The following CAMTA1 variants were observed in gnomAD, a reference collection of about 807,000 sequenced individuals.
CAMTA1 encodes calmodulin-binding transcription activator 1.
A neutral mutation model predicts 170.9 loss-of-function variants in CAMTA1; 27 were observed. The observed-to-expected ratio is 0.16, with a 90% confidence interval of 0.12 to 0.22. CAMTA1 has a LOEUF of 0.22. Among genes scored for constraint, CAMTA1 ranks in the 10% least tolerant of loss-of-function variants. CAMTA1 has a pLI of 1.00. For missense variants in CAMTA1, 1,619 were observed against 2,217.2 expected, an observed-to-expected ratio of 0.73 and a Z score of 5.42; for synonymous variants, 833 against 891.5, an observed-to-expected ratio of 0.93 and a Z score of 1.17.
chr1:7,640,350 T>C (rs779151168), intron 6 of CAMTA1, 50 bp from the exon 7 acceptor site: 100 of 1,606,590 alleles, frequency 6.2e-5, no homozygotes, highest in Non-Finnish European at 8.1e-5. Flanking sequence ...GCCCTGACCC[T>C]GGTGGGCTCC....
At position 7,056,266 on chromosome 1, in the gene CAMTA1, A is replaced by C. The variant is rs77769596; in HGVS notation, c.235-35038A>C. Among the ~76,000 whole-genome samples, 82 of 152,308 alleles carry C rather than the reference A, an allele frequency of 5.4e-4. 1 individual carries two copies. The East Asian group carries it at 0.015, about 28-fold the overall frequency. On this transcript the variant is annotated intron_variant, in intron 3 of 22. Coordinates refer to ENST00000303635, the MANE Select transcript of CAMTA1 (RefSeq NM_015215.4). Reference sequence around the variant, plus strand: ...GCATTTCACACACATGCACAGTTTTATGGCCTCTTTTGATGTTTCCTTGGT... The same window carrying C: ...GCATTTCACACACATGCACAGTTTTCTGGCCTCTTTTGATGTTTCCTTGGT...
chr1:7,660,194 A>G (rs893141999), intron 7 of CAMTA1, among the ~76,000 whole-genome samples: 4 of 152,246 alleles, frequency 2.6e-5, no homozygotes, highest in East Asian at 3.9e-4. Context: ...TCAGCCCCCC[A>G]GGTAGCTGGG....
intron 4 of CAMTA1, among the ~76,000 whole-genome samples, chr1:7,237,903 C>T (rs1411491723): frequency 6.6e-6 from 1 of 152,228 alleles, no homozygotes; most frequent in East Asian, 1.9e-4. Context: ...ATATGACAGG[C>T]AGCACACCGG....
intron 3 of CAMTA1, among the ~76,000 whole-genome samples, chr1:6,947,462 A>G (rs1345456328): frequency 4.7e-5 from 7 of 147,820 alleles, no homozygotes; most frequent in African/African-American, 7.5e-5. Context: ...TGCAACCTCC[A>G]CCTTCTCGGT....
intron 5 of CAMTA1, among the ~76,000 whole-genome samples, chr1:7,324,475 T>G (rs1388480415): frequency 1.3e-5 from 2 of 152,222 alleles, no homozygotes; most frequent in African/African-American, 4.8e-5. Flanking sequence ...TTGTTTGAAT[T>G]TATTTTTTCC....
chr1:7,183,405 A>G (rs1412323242), intron 4 of CAMTA1, among the ~76,000 whole-genome samples: 1 of 152,142 alleles, frequency 6.6e-6, no homozygotes, highest in Non-Finnish European at 1.5e-5. Flanking sequence ...TATCAGCAAT[A>G]TCTATCATAA....
Position 7,644,871 on chromosome 1 carries a change from G to T in CAMTA1, c.664+4318G>T, listed in dbSNP as rs541190040. ...TCAGGGCTGAGTAGAGCTGTGCTTA[G>T]CCTGGGGTGCCCCTGTGGGCTTCAG... On this transcript the variant is annotated intron_variant, in intron 7 of 22. Coordinates refer to ENST00000303635, the MANE Select transcript of CAMTA1 (RefSeq NM_015215.4). Among the ~76,000 whole-genome samples the T allele has an allele frequency of 9.7e-4, 147 of 152,194 alleles. 1 individual carries two copies. Among genetic ancestry groups the T allele is most frequent in the African/African-American group, 3.5e-3 (145 of 41,536 alleles).
chr1:7,692,849 C>A (rs768145997), intron 11 of CAMTA1, among the ~76,000 whole-genome samples: 14 of 152,170 alleles, frequency 9.2e-5, no homozygotes, highest in Non-Finnish European at 2.1e-4. Flanking sequence ...AACCAGGCAT[C>A]CCCCCACCCC....
At chr1:7,411,710 C>A (rs768343571) in intron 5 of CAMTA1, among the ~76,000 whole-genome samples, 1 of 151,816 alleles carries the variant, frequency 6.6e-6, no homozygotes, top group African/African-American at 2.4e-5. Context: ...GCTGAATGAA[C>A]GAATGAATGA....
At chr1:7,515,059 T>G (rs1043593339) in intron 6 of CAMTA1, among the ~76,000 whole-genome samples, 10 of 150,792 alleles carry the variant, frequency 6.6e-5, no homozygotes, top group Non-Finnish European at 1.5e-5. Flanking sequence ...TCCCTCCACC[T>G]GGGATCATCA....
rs1450350307 is a variant in CAMTA1, at chr1:7,394,831, G to GTGTGTGTGTGTGTC, written c.439-72988_439-72987insGTCTGTGTGTGTGT. Among the ~76,000 whole-genome samples, 44 of 146,254 alleles carry GTGTGTGTGTGTGTC rather than the reference G, an allele frequency of 3.0e-4. 1 individual carries two copies. The South Asian group carries it at 8.7e-3, about 29-fold the overall frequency. ...TGTAGTTGTGTGTGTGTGTGTGTGT[G>GTGTGTGTGTGTGTC]TGTGTGTGTGTCTGTGTGTGTGTCT... On this transcript the variant is annotated intron_variant, in intron 5 of 22. Coordinates refer to ENST00000303635, the MANE Select transcript of CAMTA1 (RefSeq NM_015215.4).
chr1:6,833,707 G>C (rs1049556439), intron 3 of CAMTA1, among the ~76,000 whole-genome samples: 5 of 152,112 alleles, frequency 3.3e-5, no homozygotes, highest in Non-Finnish European at 7.4e-5. Context: ...ATTAGCCCAA[G>C]AAAAATTTAA....
Position 7,064,144 on chromosome 1 carries a change from TCTCTTCTTCCCTCCTCCTC to T in CAMTA1, c.235-27153_235-27135del, listed in dbSNP as rs1309847285. On this transcript the variant is annotated intron_variant, in intron 3 of 22. Coordinates refer to ENST00000303635, the MANE Select transcript of CAMTA1 (RefSeq NM_015215.4). This position sits in a 1 kb window ranked among gnomAD's most constrained non-coding sequence, Gnocchi z 5.4. The stretch of plus-strand genomic sequence containing the variant: ...TCCTTCTTCTTCTCCTCCTCCTCCT[TCTCTTCTTCCCTCCTCCTC>T]CTCTTCCTTCTTCTTCTCCTCCTCC... Among the ~76,000 whole-genome samples, 1 of 148,944 alleles carries T rather than the reference TCTCTTCTTCCCTCCTCCTC, an allele frequency of 6.7e-6. No homozygotes were observed. Among genetic ancestry groups the T allele is most frequent in the South Asian group, 2.1e-4 (1 of 4,656 alleles).
intron 10 of CAMTA1, among the ~76,000 whole-genome samples, chr1:7,671,285 G>A (rs769474528): frequency 3.9e-5 from 6 of 152,210 alleles, no homozygotes; most frequent in Non-Finnish European, 8.8e-5. Flanking sequence ...ATGAGAGCAC[G>A]ATTTAGGGCA....
chr1:7,684,499 G>A lies in CAMTA1; in HGVS notation c.2914+6766G>A, dbSNP rs76626729. 6.4e-3 allele frequency among the ~76,000 whole-genome samples: 967 copies of A among 152,252 alleles called. 5 individuals are homozygous for A. Among genetic ancestry groups the A allele is most frequent in the Non-Finnish European group, 7.8e-3 (528 of 68,024 alleles). ...TGCCCCCACCAAAGGCGCTAGGGAG[G>A]GACCCTCTCTGGCCACTTGCAGCTC... is the stretch of plus-strand genomic sequence containing the variant. On this transcript the variant is annotated intron_variant, in intron 11 of 22. Transcript: ENST00000303635.
intron 4 of CAMTA1, among the ~76,000 whole-genome samples, chr1:7,149,714 G>A (rs1412216107): frequency 1.3e-5 from 2 of 152,204 alleles, no homozygotes; most frequent in South Asian, 2.1e-4. Context: ...TGAGTGCTGG[G>A]GGATGGGCAG....
chr1:7,557,371 C>A (rs555000911), intron 6 of CAMTA1, among the ~76,000 whole-genome samples: 1 of 152,106 alleles, frequency 6.6e-6, no homozygotes, highest in South Asian at 2.1e-4. Flanking sequence ...TGTCCAGAGC[C>A]CGGCCAAGCG....
chr1:7,064,061 T>C lies in CAMTA1; in HGVS notation c.235-27243T>C, dbSNP rs1708630438. 6.6e-6 allele frequency among the ~76,000 whole-genome samples: 1 copy of C among 152,076 alleles called. No individual in the cohort carries two copies. Among genetic ancestry groups the C allele is most frequent in the Non-Finnish European group, 1.5e-5 (1 of 67,992 alleles). On this transcript the variant is annotated intron_variant, in intron 3 of 22. Transcript: ENST00000303635. This position sits in a 1 kb window ranked among gnomAD's most constrained non-coding sequence, Gnocchi z 5.4. ...TTCTCATATGGTGGGAGCCTTTGCC[T>C]TCACCTTCTCCTCCTCCTCCTCCTC...
At chr1:7,552,299 G>C (rs535324887) in intron 6 of CAMTA1, among the ~76,000 whole-genome samples, 2 of 152,360 alleles carry the variant, frequency 1.3e-5, no homozygotes, top group Admixed American at 6.5e-5. Flanking sequence ...CTCTGAGCCC[G>C]GACCTCACTC....
Sources: allele counts gnomAD v4.1 joint callset (sites outside exome capture counted in the v4.1 genomes callset), GRCh38; gene constraint gnomAD v4.1.1; non-coding constraint Gnocchi (gnomAD v3.1); transcripts MANE v1.5; gene names NCBI Gene and HGNC (gene_info 2026-07-23, HGNC 2026-07-21).